Variants in CEP162 observed in about 807,000 individuals in gnomAD.
CEP162 encodes centrosomal protein 162, also known as centrosomal protein of 162 kDa.
Under a neutral mutation model 169.2 loss-of-function variants are expected in CEP162, and 141 were observed. The observed-to-expected ratio is 0.83, with a 90% confidence interval of 0.73 to 0.96. The LOEUF is 0.96. Among genes scored for constraint, CEP162 ranks in the 40% least tolerant of loss-of-function variants. The probability of loss-of-function intolerance (pLI) is 0.00; values close to 1 mark genes in which losing one functional copy is unlikely to be tolerated. For synonymous variants in CEP162, 540 were observed against 526.4 expected (o/e 1.03, Z -0.35); for missense variants, 1,600 against 1,587.2 (o/e 1.01, Z -0.14).
intron 5 of CEP162, among the ~76,000 whole-genome samples, chr6:84,214,230 G>T (rs1261999641): frequency 6.6e-6 from 1 of 152,224 alleles, no homozygotes; most frequent in Non-Finnish European, 1.5e-5. Context: ...AGTGAGCCAA[G>T]ATCGTGCCAC....
chr6:84,143,033 CTA>C (rs2099517337), intron 25 of CEP162, among the ~76,000 whole-genome samples: 1 of 151,934 alleles, frequency 6.6e-6, no homozygotes, highest in Non-Finnish European at 1.5e-5. Context: ...TCAATAATTA[CTA>C]TGTTTTATGT....
chr6:84,221,273 T>G (rs1466675586), intron 2 of CEP162, 102 bp from the exon 3 acceptor site: 2 of 608,838 alleles, frequency 3.3e-6, no homozygotes, highest in Non-Finnish European at 2.9e-6. Context: ...ACAGTTCAGC[T>G]ATCACATAGA....
chr6:84,153,932 G>A (rs2497156), intron 22 of CEP162, among the ~76,000 whole-genome samples: 20,218 of 152,112 alleles, frequency 0.13, 3,786 homozygotes, highest in African/African-American at 0.42. Flanking sequence ...TGCCCTAAGT[G>A]TCTGGAGGCT....
chr6:84,157,638 G>C (rs951118021), intron 21 of CEP162, among the ~76,000 whole-genome samples: 13 of 152,130 alleles, frequency 8.5e-5, no homozygotes, highest in African/African-American at 2.9e-4. Context: ...TCGCGCTCCA[G>C]CCTGAGTGAC....
At chr6:84,212,380 A>G (rs1019333540) in intron 6 of CEP162, among the ~76,000 whole-genome samples, 1 of 152,174 alleles carries the variant, frequency 6.6e-6, no homozygotes, top group Non-Finnish European at 1.5e-5. Flanking sequence ...AGACATGTAG[A>G]AGAAAAACGT....
chr6:84,142,836 A>T (rs1465792418), intron 25 of CEP162, among the ~76,000 whole-genome samples: 2 of 152,082 alleles, frequency 1.3e-5, no homozygotes, highest in Non-Finnish European at 2.9e-5. Flanking sequence ...GAAAAGAAAA[A>T]CATGTATTTA....
At chr6:84,219,097 T>C (rs1315322655) in intron 3 of CEP162, 1 of 1,046,478 alleles carries the variant, frequency 9.6e-7, no homozygotes, top group South Asian at 1.4e-5. Flanking sequence ...TAATGTTTAA[T>C]GGTACCTGTC....
intron 23 of CEP162, among the ~76,000 whole-genome samples, chr6:84,151,950 G>A (rs932487812): frequency 2.6e-5 from 4 of 152,048 alleles, no homozygotes; most frequent in Admixed American, 6.6e-5. Flanking sequence ...TGTGAAAAAC[G>A]GGTGCTAAAA....
intron 2 of CEP162, among the ~76,000 whole-genome samples, chr6:84,221,683 C>A (rs2099553778): frequency 6.6e-6 from 1 of 152,062 alleles, no homozygotes; most frequent in Non-Finnish European, 1.5e-5. Context: ...CCAATTTTTA[C>A]TACAATCCTA....
intron 25 of CEP162, among the ~76,000 whole-genome samples, chr6:84,129,784 T>C (rs2099510513): frequency 6.6e-6 from 1 of 152,202 alleles, no homozygotes; most frequent in Non-Finnish European, 1.5e-5. Context: ...TTTCTAAATA[T>C]ACAATTGTGT....
intron 13 of CEP162, among the ~76,000 whole-genome samples, chr6:84,179,876 C>T (rs1377193691): frequency 6.6e-6 from 1 of 152,030 alleles, no homozygotes; most frequent in African/African-American, 2.4e-5. Context: ...AAAAAAAGTA[C>T]AGGACCAGAC....
chr6:84,186,319 GATAA>G lies in CEP162; in HGVS notation c.1401+9_1401+12del. On this transcript the variant is annotated intron_variant, in intron 12 of 26. Coordinates refer to ENST00000403245, the MANE Select transcript of CEP162 (RefSeq NM_014895.4). Reference sequence around the variant, plus strand: ...TCTCAATCTCTCAAATCAATTTGATGATAAATACTTACTTTATTAATTTTGTCAT... The same window carrying G: ...TCTCAATCTCTCAAATCAATTTGATGATACTTACTTTATTAATTTTGTCAT... 2 of 1,324,168 alleles carry G rather than the reference GATAA, an allele frequency of 1.5e-6. No individual in the cohort carries two copies. The highest frequency in any genetic ancestry group is 1.2e-5 in the South Asian group (1 of 82,538). 82.0% of individuals were successfully genotyped at this position (1,324,168 alleles called of 1,614,324 possible).
intron 11 of CEP162, among the ~76,000 whole-genome samples, chr6:84,190,685 C>T (rs1295179265): frequency 3.9e-5 from 6 of 152,060 alleles, no homozygotes; most frequent in Non-Finnish European, 5.9e-5. Flanking sequence ...GAAGAAACTC[C>T]GAACACATCT....
rs1245804790 is a variant in CEP162, at chr6:84,174,772, TTTTTCCTG to T, written c.1972_1979del (p.Gln658ArgfsTer9). The stretch of plus-strand genomic sequence containing the variant: ...TATCTTGATTCAATTTGAAGAGTTC[TTTTTCCTG>T]TTGTTTCTTTAGTTCTTCCAACTTA... On this transcript the variant is annotated frameshift_variant, in exon 15 of 27. Coordinates refer to ENST00000403245, the MANE Select transcript of CEP162 (RefSeq NM_014895.4). LOFTEE classifies it high-confidence loss of function. The T allele has an allele frequency of 6.4e-7, 1 of 1,557,474 alleles. No homozygotes were observed. Among genetic ancestry groups the T allele is most frequent in the Non-Finnish European group, 8.8e-7 (1 of 1,140,686 alleles).
chr6:84,194,244 A>G (rs531476863), intron 10 of CEP162, among the ~76,000 whole-genome samples: 9 of 151,972 alleles, frequency 5.9e-5, no homozygotes, highest in African/African-American at 2.2e-4. Context: ...AATCCCAGCT[A>G]TGCAGGAGGC....
intron 18 of CEP162, 27 bp downstream of exon 18, chr6:84,169,301 A>G (rs1019595987): frequency 3.2e-6 from 4 of 1,245,278 alleles, no homozygotes; most frequent in Admixed American, 2.4e-5. Flanking sequence ...TATTATCCCT[A>G]ATAGTCAAAA....
At chr6:84,157,682 A>T (rs2099523785) in intron 21 of CEP162, among the ~76,000 whole-genome samples, 1 of 152,076 alleles carries the variant, frequency 6.6e-6, no homozygotes, top group South Asian at 2.1e-4. Flanking sequence ...AAAAAGAAAT[A>T]TGTCTTCAGA....
intron 6 of CEP162, among the ~76,000 whole-genome samples, chr6:84,208,695 T>G (rs922972016): frequency 1.3e-5 from 2 of 152,204 alleles, no homozygotes; most frequent in Non-Finnish European, 2.9e-5. Flanking sequence ...ACTAGGTTAG[T>G]TGGTTAACTA....
chr6:84,179,763 G>T (rs1263184666), intron 13 of CEP162, among the ~76,000 whole-genome samples: 1 of 151,960 alleles, frequency 6.6e-6, no homozygotes, highest in East Asian at 1.9e-4. Context: ...TAAATTCCTG[G>T]ACACATACAC....
Sources: allele counts gnomAD v4.1 joint callset (sites outside exome capture counted in the v4.1 genomes callset), GRCh38; gene constraint gnomAD v4.1.1; transcripts MANE v1.5; gene names NCBI Gene and HGNC (gene_info 2026-07-23, HGNC 2026-07-21).